Variants in FRMD5 observed in about 807,000 individuals in gnomAD.
The protein encoded by FRMD5 is FERM domain containing 5, also known as FERM domain-containing protein 5.
Under a neutral mutation model 69.0 loss-of-function variants are expected in FRMD5, and 20 were observed. The ratio of observed to expected loss-of-function variants is 0.29; its 90% CI spans 0.20 to 0.42. FRMD5 has a LOEUF of 0.42. FRMD5 is among the 10% of genes least tolerant of loss of function. The pLI is 1.00. For synonymous variants in FRMD5, 271 were observed against 260.1 expected (o/e 1.04, Z -0.40); for missense variants, 595 against 708.6 (o/e 0.84, Z 1.82).
intron 1 of FRMD5, among the ~76,000 whole-genome samples, chr15:44,077,043 C>A (rs747047859): frequency 7.9e-5 from 12 of 152,036 alleles, no homozygotes; most frequent in Non-Finnish European, 1.6e-4. Flanking sequence ...GAAATAACAA[C>A]ACTCTCGCCT....
At chr15:44,150,274 C>T (rs939144972) in intron 1 of FRMD5, among the ~76,000 whole-genome samples, 1 of 151,986 alleles carries the variant, frequency 6.6e-6, no homozygotes, top group Non-Finnish European at 1.5e-5. Context: ...CTCACCACTG[C>T]TATTTAATAT....
At chr15:44,091,996 G>A (rs1185322868) in intron 1 of FRMD5, among the ~76,000 whole-genome samples, 1 of 152,110 alleles carries the variant, frequency 6.6e-6, no homozygotes, top group Non-Finnish European at 1.5e-5. Flanking sequence ...TGGGATGCAA[G>A]AGAAGCAGAC....
chr15:43,968,585 A>G (rs1050212971), intron 1 of FRMD5, among the ~76,000 whole-genome samples: 2 of 152,200 alleles, frequency 1.3e-5, no homozygotes, highest in Non-Finnish European at 2.9e-5. Flanking sequence ...TTAATTGTAC[A>G]TAAGGTGCTT....
At chr15:43,961,661 T>C (rs141320164) in intron 1 of FRMD5, among the ~76,000 whole-genome samples, 134 of 152,202 alleles carry the variant, frequency 8.8e-4, no homozygotes, top group African/African-American at 3.2e-3. Context: ...CTCAGTAAAA[T>C]ACTGGCAAAC....
At chr15:43,902,297 C>A (rs1264928355) in intron 6 of FRMD5, 35 bp from the exon 7 acceptor site, 2 of 1,544,598 alleles carry the variant, frequency 1.3e-6, no homozygotes, top group Middle Eastern at 1.7e-4. Context: ...TTCAAGGTGT[C>A]TTGTTCCCAC....
At chr15:44,043,461 T>A (rs1892292318) in intron 1 of FRMD5, among the ~76,000 whole-genome samples, 1 of 152,042 alleles carries the variant, frequency 6.6e-6, no homozygotes, top group African/African-American at 2.4e-5. Context: ...GAGCCCGCAT[T>A]GCCAAGAGAA....
At chr15:43,988,743 C>A (rs1889522403) in intron 1 of FRMD5, among the ~76,000 whole-genome samples, 3 of 152,100 alleles carry the variant, frequency 2.0e-5, no homozygotes, top group African/African-American at 4.8e-5. Context: ...GAGGACTGGG[C>A]CATTCTCCTT....
rs771911969 is a variant in FRMD5 at position 43,871,680 on chromosome 15, C to A, written c.*2205G>T. 2.0e-5 allele frequency: 3 copies of A among 152,168 alleles called. No homozygotes were observed. Among genetic ancestry groups the A allele is most frequent in the Admixed American group, 6.5e-5 (1 of 15,272 alleles). The allele number at this position is 152,168 out of a possible 1,614,324, so 9.4% of individuals were successfully genotyped here. A position where few individuals can be genotyped will look rare whatever the true frequency, so the allele number is the denominator to read the frequency against. ...ATCTCCTTCGGTTTGTATTGTCACT[C>A]GATAAATAGATGTTTATAATTCTGC... On this transcript the variant is annotated 3_prime_UTR_variant, in exon 14 of 14. Transcript: ENST00000417257.
At chr15:43,941,246 T>C (rs2140488006) in intron 1 of FRMD5, among the ~76,000 whole-genome samples, 1 of 152,296 alleles carries the variant, frequency 6.6e-6, no homozygotes, top group South Asian at 2.1e-4. Context: ...CGTGTGCCTG[T>C]AGTCCCAGCT....
intron 1 of FRMD5, among the ~76,000 whole-genome samples, chr15:44,018,588 A>T (rs1891072942): frequency 6.6e-6 from 1 of 152,224 alleles, no homozygotes; most frequent in Non-Finnish European, 1.5e-5. Flanking sequence ...TTCTCAGTCC[A>T]CAGGCACAGG....
chr15:44,099,177 G>A (rs922337125), intron 1 of FRMD5, among the ~76,000 whole-genome samples: 8 of 152,112 alleles, frequency 5.3e-5, no homozygotes, highest in African/African-American at 4.8e-5. Flanking sequence ...AAGAGAGGTC[G>A]GGAAATTAGT....
At chr15:43,948,603 T>C (rs960760296) in intron 1 of FRMD5, among the ~76,000 whole-genome samples, 6 of 152,192 alleles carry the variant, frequency 3.9e-5, no homozygotes, top group African/African-American at 4.8e-5. Context: ...ACAGTTTCCA[T>C]AAGGAGGGCA....
intron 4 of FRMD5, among the ~76,000 whole-genome samples, chr15:43,911,506 GT>G (rs2089286897): frequency 6.6e-6 from 1 of 152,156 alleles, no homozygotes; most frequent in Non-Finnish European, 1.5e-5. Flanking sequence ...TGGAAATGAA[GT>G]CCCCACCTCC....
chr15:44,139,126 T>C (rs2077229082), intron 1 of FRMD5, among the ~76,000 whole-genome samples: 1 of 152,194 alleles, frequency 6.6e-6, no homozygotes, highest in Admixed American at 6.5e-5. Context: ...ATGTGTATTG[T>C]ATCTCAGTAA....
At chr15:44,162,144 T>C (rs1208755234) in intron 1 of FRMD5, among the ~76,000 whole-genome samples, 2 of 152,148 alleles carry the variant, frequency 1.3e-5, no homozygotes, top group Non-Finnish European at 1.5e-5. Flanking sequence ...TTTGTATTTT[T>C]AGTACAGATG....
At chr15:43,974,139 A>G (rs567451066) in intron 1 of FRMD5, among the ~76,000 whole-genome samples, 2 of 152,194 alleles carry the variant, frequency 1.3e-5, no homozygotes, top group African/African-American at 2.4e-5. Context: ...AATCAGCAGT[A>G]GGGTGCTATG....
At position 43,876,128 on chromosome 15, in the gene FRMD5, C is replaced by T. The variant is rs1484689531; in HGVS notation, c.1136-1666G>A. On this transcript the variant is annotated intron_variant, in intron 13 of 13. Transcript: ENST00000417257. Reference sequence around the variant, plus strand: ...GTTTTTCCCATAGAATGTGTCTGACCTTTACTGCATTGCCACCACCTTTGG... The same window carrying T: ...GTTTTTCCCATAGAATGTGTCTGACTTTTACTGCATTGCCACCACCTTTGG... 4 of 1,547,682 alleles carry T rather than the reference C, an allele frequency of 2.6e-6. No homozygotes were observed. In the African/African-American group the frequency reaches 5.4e-5, roughly 21 times the overall value.
intron 1 of FRMD5, among the ~76,000 whole-genome samples, chr15:43,937,366 G>A (rs1159122302): frequency 2.0e-5 from 3 of 152,114 alleles, no homozygotes; most frequent in Admixed American, 6.6e-5. Flanking sequence ...AGTGCTCTTC[G>A]GCCAGGCGTG....
chr15:43,879,642 G>C, intron 13 of FRMD5: 1 of 399,076 alleles, frequency 2.5e-6, no homozygotes, highest in Non-Finnish European at 4.4e-6. Context: ...CCGGACTCTG[G>C]TGTGAATCTT....
Sources: allele counts gnomAD v4.1 joint callset (sites outside exome capture counted in the v4.1 genomes callset), GRCh38; gene constraint gnomAD v4.1.1; transcripts MANE v1.5; gene names NCBI Gene and HGNC (gene_info 2026-07-23, HGNC 2026-07-21).